Variants in SZT2 observed in about 807,000 individuals in gnomAD.
SZT2 encodes KICSTOR complex protein SZT2.
SZT2 carries 216 observed loss-of-function variants against 404.2 expected under a neutral mutation model. The observed-to-expected ratio is 0.53, with a 90% CI of 0.48 to 0.60. The LOEUF (loss-of-function observed/expected upper bound fraction) is 0.60, where lower values mean the gene tolerates loss of function less well. Among genes scored for constraint, SZT2 ranks in the 20% least tolerant of loss-of-function variants. The pLI is 0.00. For synonymous variants in SZT2, 1,693 were observed against 1,749.9 expected (o/e 0.97, Z 0.81); for missense variants, 3,857 against 4,459.2 (o/e 0.86, Z 3.85).
chr1:43,453,813 G>A lies in SZT2; in HGVS notation c.*3333G>A, dbSNP rs1291560424. The stretch of plus-strand genomic sequence containing the variant: ...CGCCATGCCTGGGGAGGCCGGGCCG[G>A]GCGGAGTCCGCGGGATCCAAAGGCG... On this transcript the variant is annotated 3_prime_UTR_variant, in exon 72 of 72. Transcript: ENST00000634258. 37 of 1,247,666 alleles carry A rather than the reference G, an allele frequency of 3.0e-5. No individual in the cohort carries two copies. The highest frequency in any genetic ancestry group is 3.7e-5 in the Non-Finnish European group (37 of 998,570). The allele number at this position is 1,247,666 out of a possible 1,614,324, so 77.3% of individuals were successfully genotyped here. A position where few individuals can be genotyped will look rare whatever the true frequency, so the allele number is the denominator to read the frequency against.
chr1:43,406,840 A>G (rs1650374638), intron 4 of SZT2: 1 of 152,264 alleles, frequency 6.6e-6, no homozygotes, highest in African/African-American at 2.4e-5. Context: ...AACATTGCTT[A>G]TATCATATGG....
chr1:43,414,649 T>C (rs183072260), intron 4 of SZT2, among the ~76,000 whole-genome samples: 1 of 152,254 alleles, frequency 6.6e-6, no homozygotes, highest in Admixed American at 6.5e-5. Context: ...GGAGTCTCCA[T>C]GGTGACAGCT....
At chr1:43,446,882 G>GTT in intron 65 of SZT2, 73 bp from the exon 66 acceptor site, 1 of 1,473,878 alleles carries the variant, frequency 6.8e-7, no homozygotes, top group Non-Finnish European at 9.3e-7. Context: ...TCTTCCCACG[G>GTT]AAGGAGGGAA....
At position 43,437,492 on chromosome 1, in the gene SZT2, G is replaced by T; in HGVS notation, c.6274G>T (p.Ala2092Ser). 3.1e-6 allele frequency: 5 copies of T among 1,614,180 alleles called. No individual in the cohort carries two copies. The highest frequency in any genetic ancestry group is 4.2e-6 in the Non-Finnish European group (5 of 1,180,046). ...TGTTTACCAGGAGCGAGCAACAAAG[G>T]CTGTGTACTATCTTCGGTATGTGGC... ...MFVYQERATK[A>S]VYYLRLLETS... Residue 2092 changes from alanine (A) to serine (S), a missense_variant, in exon 44 of 72, where the codon GCT becomes TCT. Transcript: ENST00000634258. The surrounding 1 kb of genome is among the most constrained non-coding windows in gnomAD (Gnocchi z 5.3).
chr1:43,404,394 G>C lies in SZT2; in HGVS notation c.342G>C (p.Gly114=). The change falls in exon 4 of 72, where the codon GGG becomes GGC. Residue 114 remains glycine, a synonymous_variant. Coordinates refer to ENST00000634258, the MANE Select transcript of SZT2 (RefSeq NM_001365999.1). The part of the protein sequence containing the change: ...PSTGIVDDST[G]EILFDEVFHA... ...TCTGCCCTCAGGATGATTCCACAGGGGAGATCTTGTTTGATGAAGTTTTCC... is the reference window on the plus strand; with the variant it reads ...TCTGCCCTCAGGATGATTCCACAGGCGAGATCTTGTTTGATGAAGTTTTCC... 6.2e-7 allele frequency: 1 copy of C among 1,613,458 alleles called. No individual in the cohort carries two copies. The highest frequency in any genetic ancestry group is 8.5e-7 in the Non-Finnish European group (1 of 1,179,712).
chr1:43,453,879 T>TGGC lies in SZT2; in HGVS notation c.*3399_*3400insGGC. On this transcript the variant is annotated 3_prime_UTR_variant, in exon 72 of 72. Coordinates refer to ENST00000634258, the MANE Select transcript of SZT2 (RefSeq NM_001365999.1). The stretch of plus-strand genomic sequence containing the variant: ...CGGGCGGCGGGCGGGGGCGGGGCTC[T>TGGC]CCTTGCTGGCCCTGCGAACGAACGA... The TGGC allele has an allele frequency of 4.9e-6, 6 of 1,218,018 alleles. No individual in the cohort carries two copies. The South Asian group carries it at 2.3e-4, about 46-fold the overall frequency. The allele number at this position is 1,218,018 out of a possible 1,614,324, so 75.5% of individuals were successfully genotyped here. A position where few individuals can be genotyped will look rare whatever the true frequency, so the allele number is the denominator to read the frequency against.
At position 43,433,166 on chromosome 1, in the gene SZT2, G is replaced by A. The variant is rs375009349; in HGVS notation, c.5780G>A (p.Arg1927His). 1.9e-5 allele frequency: 31 copies of A among 1,613,860 alleles called. No individual in the cohort carries two copies. Among genetic ancestry groups the A allele is most frequent in the East Asian group, 6.7e-5 (3 of 44,882 alleles). ...FWLIVRVLQDRVEVYAHARSL... is the reference protein window; with the variant it reads ...FWLIVRVLQDHVEVYAHARSL... ...CTCATTGTCCGGGTCCTGCAGGACC[G>A]TGTGGAAGTGTATGCACATGCACGG... The change falls in exon 40 of 72, where the codon CGT becomes CAT. Residue 1927 changes from arginine (R) to histidine (H), a missense_variant. By Grantham distance (29) the Arg-to-His change is conservative. This residue lies in a region of SZT2 where 1,725 missense variants were observed against 1,881.0 expected (regional missense o/e 0.92). Coordinates refer to ENST00000634258, the MANE Select transcript of SZT2 (RefSeq NM_001365999.1).
intron 1 of SZT2, among the ~76,000 whole-genome samples, chr1:43,391,853 G>A (rs1279581925): frequency 2.2e-4 from 6 of 27,336 alleles, no homozygotes; most frequent in African/African-American, 9.3e-4. Flanking sequence ...AGGCCGAGGC[G>A]GGCGGATCAC....
chr1:43,390,536 T>TC (rs1179629184), intron 1 of SZT2, among the ~76,000 whole-genome samples: 20 of 152,254 alleles, frequency 1.3e-4, no homozygotes, highest in African/African-American at 4.3e-4. Context: ...GGATCCTGTT[T>TC]CCTTCTTTAT....
At chr1:43,415,261 C>G in intron 5 of SZT2, 48 bp downstream of exon 5, 3 of 1,591,354 alleles carry the variant, frequency 1.9e-6, no homozygotes, top group Non-Finnish European at 2.6e-6. Flanking sequence ...AGAGGAGCAG[C>G]TAAGGACAGA....
At position 43,404,594 on chromosome 1, in the gene SZT2, C is replaced by T. The variant is rs1476861957; in HGVS notation, c.498+44C>T. 4 of 1,583,326 alleles carry T rather than the reference C, an allele frequency of 2.5e-6. No individual in the cohort carries two copies. In the African/African-American group the frequency reaches 5.4e-5, roughly 21 times the overall value. On this transcript the variant is annotated intron_variant, in intron 4 of 71. Coordinates refer to ENST00000634258, the MANE Select transcript of SZT2 (RefSeq NM_001365999.1). ...AAGTTTGTACCCTCAGACCAAATTT[C>T]TATTAGTCCTCTGACCAAGTCCTTA...
chr1:43,446,126 C>T (rs922402738), intron 63 of SZT2, 53 bp from the exon 64 acceptor site: 1 of 1,607,856 alleles, frequency 6.2e-7, no homozygotes, highest in Non-Finnish European at 8.5e-7. Context: ...TTCCACCCTA[C>T]TGATTCGAGG....
Position 43,439,054 on chromosome 1 carries a change from T to TC in SZT2, c.6756dup (p.Lys2253GlnfsTer5). On this transcript the variant is annotated frameshift_variant, in exon 48 of 72. Transcript: ENST00000634258. LOFTEE classifies it high-confidence loss of function. The surrounding 1 kb of genome is among the most constrained non-coding windows in gnomAD (Gnocchi z 4.2). Reference sequence around the variant, plus strand: ...AGAACTTGCTCATCTTCCTGCACTCTCCCAAGTACACAGATAGCAACAGCC... The same window carrying TC: ...AGAACTTGCTCATCTTCCTGCACTCTCCCCAAGTACACAGATAGCAACAGCC... 1 of 1,614,120 alleles carries TC rather than the reference T, an allele frequency of 6.2e-7. No homozygotes were observed. The highest frequency in any genetic ancestry group is 8.5e-7 in the Non-Finnish European group (1 of 1,180,022).
At position 43,422,570 on chromosome 1, in the gene SZT2, G is replaced by T. The variant is rs763955434; in HGVS notation, c.1860G>T (p.Leu620=). 9.4e-6 allele frequency: 15 copies of T among 1,597,974 alleles called. No homozygotes were observed. The highest frequency in any genetic ancestry group is 1.3e-5 in the Non-Finnish European group (15 of 1,179,706). Residue 620 remains leucine (L), a synonymous_variant, in exon 13 of 72, where the codon CTG becomes CTT. Transcript: ENST00000634258. ...CRISHSSLTS[L]LRDWSSFVLV... ...TCTCCCACTCCTCCCTGACCTCTCTGCTGCGGGACTGGAGCAGCTTCGTAC... is the reference window on the plus strand; with the variant it reads ...TCTCCCACTCCTCCCTGACCTCTCTTCTGCGGGACTGGAGCAGCTTCGTAC...
Position 43,441,367 on chromosome 1 carries a change from G to T in SZT2, c.7498G>T (p.Ala2500Ser). The T allele has an allele frequency of 1.9e-6, 3 of 1,614,148 alleles. No individual in the cohort carries two copies. Among genetic ancestry groups the T allele is most frequent in the Non-Finnish European group, 2.5e-6 (3 of 1,180,000 alleles). The change falls in exon 53 of 72, where the codon GCC becomes TCC. Residue 2500 changes from alanine to serine, a missense_variant. Transcript: ENST00000634258. The surrounding 1 kb of genome is among the most constrained non-coding windows in gnomAD (Gnocchi z 4.8). ...GCGGGCGCCAGGCTCAGATTCTGGA[G>T]CCCAGAGACAAAAGTATGTGTGTGG... ...AERAPGSDSG[A>S]QRQKRRTTQL...
chr1:43,426,982 T>C lies in SZT2; in HGVS notation c.3310-74T>C. 2 of 1,597,932 alleles carry C rather than the reference T, an allele frequency of 1.3e-6. No individual in the cohort carries two copies. The highest frequency in any genetic ancestry group is 1.7e-5 in the Admixed American group (1 of 59,162). On this transcript the variant is annotated intron_variant, in intron 23 of 71. Transcript: ENST00000634258. The surrounding 1 kb of genome is among the most constrained non-coding windows in gnomAD (Gnocchi z 4.9). ...CAAGCTATACCTAAGATGAGTCAGC[T>C]CTAGGGTGGAGGAGGGGAACAGGGG...
At chr1:43,446,469 G>A in intron 65 of SZT2, 53 bp downstream of exon 65, 2 of 1,607,578 alleles carry the variant, frequency 1.2e-6, no homozygotes, top group Admixed American at 1.7e-5. Flanking sequence ...GCTGTGGGCA[G>A]CATGGCTCCA....
chr1:43,433,843 G>C (rs1027304617), intron 40 of SZT2, among the ~76,000 whole-genome samples: 2 of 152,216 alleles, frequency 1.3e-5, no homozygotes, highest in African/African-American at 4.8e-5. Flanking sequence ...GCACTGTTCT[G>C]GTGCTTACAT....
chr1:43,425,347 G>A lies in SZT2; in HGVS notation c.2646-127G>A. On this transcript the variant is annotated intron_variant, in intron 18 of 71. Coordinates refer to ENST00000634258, the MANE Select transcript of SZT2 (RefSeq NM_001365999.1). This position sits in a 1 kb window ranked among gnomAD's most constrained non-coding sequence, Gnocchi z 4.3. The stretch of plus-strand genomic sequence containing the variant: ...GGTGCGGTGTTTAGATGCTTCATCA[G>A]GCAGACGCTGGTCTGGGAAGGCCTT... The A allele has an allele frequency of 6.6e-7, 1 of 1,508,750 alleles. No homozygotes were observed. Among genetic ancestry groups the A allele is most frequent in the South Asian group, 1.2e-5 (1 of 81,018 alleles). The allele number at this position is 1,508,750 out of a possible 1,614,324, so 93.5% of individuals were successfully genotyped here.
Sources: allele counts gnomAD v4.1 joint callset (sites outside exome capture counted in the v4.1 genomes callset), GRCh38; gene constraint gnomAD v4.1.1; regional missense constraint gnomAD v4.1.1; non-coding constraint Gnocchi (gnomAD v3.1); transcripts MANE v1.5; gene names NCBI Gene and HGNC (gene_info 2026-07-23, HGNC 2026-07-21).